SOS1: variants seen among roughly 807,000 people sequenced by gnomAD.
SOS1 encodes SOS Ras/Rac guanine nucleotide exchange factor 1.
A neutral mutation model predicts 157.6 loss-of-function variants in SOS1; 25 were observed. The observed-to-expected ratio is 0.16, with a 90% confidence interval of 0.12 to 0.22. The LOEUF (loss-of-function observed/expected upper bound fraction) is 0.22. Among genes scored for constraint, SOS1 ranks in the 10% least tolerant of loss-of-function variants. The pLI, the probability that SOS1 is intolerant of heterozygous loss-of-function variation, is 1.00. For synonymous variants in SOS1, 528 were observed against 534.0 expected, an observed-to-expected ratio of 0.99 and a Z score of 0.16; for missense variants, 1,237 against 1,599.1, an observed-to-expected ratio of 0.77 and a Z score of 3.86.
In SOS1 at chr2:38,984,487, A is replaced by AACTTACTT. The variant is rs35969619; in HGVS notation, c.*1336_*1337insAAGTAAGT. 6.6e-6 allele frequency: 1 copy of AACTTACTT among 152,002 alleles called. No homozygotes were observed. Among genetic ancestry groups the AACTTACTT allele is most frequent in the African/African-American group, 2.4e-5 (1 of 41,306 alleles). The allele number at this position is 152,002 out of a possible 1,614,324, so 9.4% of individuals were successfully genotyped here. A position where few individuals can be genotyped will look rare whatever the true frequency, so the allele number is the denominator to read the frequency against. ...ACAAACTGTATACTTGTTGCTTAGG[A>AACTTACTT]ACTTAAAACTTACTTACAAAGTTCT... On this transcript the variant is annotated 3_prime_UTR_variant, in exon 23 of 23. Coordinates refer to ENST00000402219, the MANE Select transcript of SOS1 (RefSeq NM_005633.4).
intron 1 of SOS1, among the ~76,000 whole-genome samples, chr2:39,083,365 A>G (rs764089013): frequency 1.3e-5 from 2 of 152,184 alleles, no homozygotes; most frequent in Non-Finnish European, 2.9e-5. Flanking sequence ...TGGTTAGGGT[A>G]TATTCTTAAG....
intron 20 of SOS1, among the ~76,000 whole-genome samples, chr2:38,994,709 T>C (rs1206467551): frequency 6.6e-6 from 1 of 152,208 alleles, no homozygotes; most frequent in Non-Finnish European, 1.5e-5. Flanking sequence ...TAGAACATTT[T>C]GGATTTTGGG....
chr2:38,988,840 A>G (rs1668629863), intron 21 of SOS1, among the ~76,000 whole-genome samples: 1 of 152,140 alleles, frequency 6.6e-6, no homozygotes, highest in African/African-American at 2.4e-5. Context: ...TCTAAAGTCA[A>G]AAGCAGTTGT....
intron 1 of SOS1, among the ~76,000 whole-genome samples, chr2:39,089,688 A>C (rs969615239): frequency 4.6e-5 from 7 of 152,308 alleles, no homozygotes; most frequent in African/African-American, 1.2e-4. Context: ...ACTAGAGGGC[A>C]GTGACTGTCT....
At chr2:39,045,618 TTATGA>T (rs1670751675) in intron 6 of SOS1, among the ~76,000 whole-genome samples, 2 of 152,228 alleles carry the variant, frequency 1.3e-5, no homozygotes, top group South Asian at 2.1e-4. Context: ...AGTTTTTATG[TTATGA>T]TATTTCATCC....
At chr2:39,069,042 A>G (rs1386766176) in intron 1 of SOS1, among the ~76,000 whole-genome samples, 1 of 151,984 alleles carries the variant, frequency 6.6e-6, no homozygotes, top group Non-Finnish European at 1.5e-5. Flanking sequence ...TGTACAGGGA[A>G]AATTTTATAA....
intron 4 of SOS1, among the ~76,000 whole-genome samples, chr2:39,055,942 G>A (rs571998866): frequency 6.6e-6 from 1 of 152,192 alleles, no homozygotes; most frequent in African/African-American, 2.4e-5. Flanking sequence ...AAGGACCAAC[G>A]GAGATAAGCC....
At chr2:39,120,257 C>T (rs1316556722) in intron 1 of SOS1, 79 bp downstream of exon 1, 5 of 1,289,624 alleles carry the variant, frequency 3.9e-6, no homozygotes, top group African/African-American at 3.1e-5. Context: ...GCCCTGCGCG[C>T]GCCCCGCCTC....
chr2:39,012,398 T>G lies in SOS1; in HGVS notation c.2168-50A>C, dbSNP rs778705378. On this transcript the variant is annotated intron_variant, in intron 13 of 22. Transcript: ENST00000402219. Reference sequence around the variant, plus strand: ...ACATTTAAATATTCTTTATTTAATATTTTATATTTTAAAAATGGTTTAAAG... The same window carrying G: ...ACATTTAAATATTCTTTATTTAATAGTTTATATTTTAAAAATGGTTTAAAG... 1.2e-4 allele frequency: 97 copies of G among 826,162 alleles called. 1 individual carries two copies. Among genetic ancestry groups the G allele is most frequent in the Non-Finnish European group, 1.6e-4 (93 of 587,578 alleles). The allele number at this position is 826,162 out of a possible 1,614,324, so 51.2% of individuals were successfully genotyped here. A position where few individuals can be genotyped will look rare whatever the true frequency, so the allele number is the denominator to read the frequency against.
At chr2:39,013,313 T>G in intron 13 of SOS1, 147 bp downstream of exon 13, 1 of 644,822 alleles carries the variant, frequency 1.6e-6, no homozygotes, top group Non-Finnish European at 2.8e-6. Flanking sequence ...AAATGCTATT[T>G]GATGAAAATT....
At chr2:39,012,819 CT>C (rs1400941101) in intron 13 of SOS1, among the ~76,000 whole-genome samples, 1 of 152,044 alleles carries the variant, frequency 6.6e-6, no homozygotes, top group Non-Finnish European at 1.5e-5. Flanking sequence ...TTTGATGTGG[CT>C]CTGTTTTATA....
In SOS1 at chr2:39,006,404, A is replaced by G; in HGVS notation, c.2791+8T>C. 8.0e-7 allele frequency: 1 copy of G among 1,253,524 alleles called. No individual in the cohort carries two copies. 77.7% of individuals were successfully genotyped at this position (1,253,524 alleles called of 1,614,324 possible). ...AAATGCAATAAAAATTCAGAAAGAA[A>G]TACTTACCAAAGAAAGGCACACATG... On this transcript the variant is annotated splice_region_variant and intron_variant, in intron 17 of 22. Coordinates refer to ENST00000402219, the MANE Select transcript of SOS1 (RefSeq NM_005633.4).
chr2:39,104,469 C>A (rs931108539), intron 1 of SOS1, among the ~76,000 whole-genome samples: 1 of 151,980 alleles, frequency 6.6e-6, no homozygotes, highest in African/African-American at 2.4e-5. Flanking sequence ...CAAGTGTGGG[C>A]AAGGAGGTAG....
chr2:39,054,014 G>A (rs561427724), intron 5 of SOS1, among the ~76,000 whole-genome samples: 84 of 151,196 alleles, frequency 5.6e-4, no homozygotes, highest in Non-Finnish European at 1.0e-3. Flanking sequence ...TGCAAGCTCC[G>A]CCTCCCAGGT....
At chr2:39,118,221 A>C (rs1284100013) in intron 1 of SOS1, among the ~76,000 whole-genome samples, 1 of 152,246 alleles carries the variant, frequency 6.6e-6, no homozygotes, top group Admixed American at 6.5e-5. Flanking sequence ...CAGGCAAAGA[A>C]GGATGAAGGG....
Position 38,983,619 on chromosome 2 carries a change from GGTCCAATGTGACT to G in SOS1, c.*2192_*2204del, listed in dbSNP as rs1378856297. On this transcript the variant is annotated 3_prime_UTR_variant, in exon 23 of 23. Transcript: ENST00000402219. ...CATTAGCCGAAGACATACTGAAGGG[GGTCCAATGTGACT>G]TTTACCAGGTTCTCATTTGGAATGT... 4 of 152,118 alleles carry G rather than the reference GGTCCAATGTGACT, an allele frequency of 2.6e-5. No homozygotes were observed. The highest frequency in any genetic ancestry group is 5.9e-5 in the Non-Finnish European group (4 of 68,018). The allele number at this position is 152,118 out of a possible 1,614,324, so 9.4% of individuals were successfully genotyped here. A position where few individuals can be genotyped will look rare whatever the true frequency, so the allele number is the denominator to read the frequency against.
At chr2:39,074,152 C>G (rs1671882751) in intron 1 of SOS1, among the ~76,000 whole-genome samples, 1 of 151,958 alleles carries the variant, frequency 6.6e-6, no homozygotes, top group East Asian at 1.9e-4. Context: ...GAGTTTGAGA[C>G]AAGCCTGAGC....
chr2:39,087,902 C>T (rs1672436127), intron 1 of SOS1, among the ~76,000 whole-genome samples: 1 of 151,824 alleles, frequency 6.6e-6, no homozygotes, highest in Admixed American at 6.6e-5. Context: ...TGGTCTTGAA[C>T]TCCTGGGCTC....
chr2:39,078,995 G>C (rs1014541678), intron 1 of SOS1, among the ~76,000 whole-genome samples: 1 of 130,306 alleles, frequency 7.7e-6, no homozygotes, highest in Non-Finnish European at 1.5e-5. Context: ...GGGAGGTGAA[G>C]GTTGCAGTGA....
Sources: allele counts gnomAD v4.1 joint callset (sites outside exome capture counted in the v4.1 genomes callset), GRCh38; gene constraint gnomAD v4.1.1; transcripts MANE v1.5; gene names NCBI Gene and HGNC (gene_info 2026-07-23, HGNC 2026-07-21).